TMTC4: variants seen among roughly 807,000 people sequenced by gnomAD.
The protein encoded by TMTC4 is transmembrane O-mannosyltransferase targeting cadherins 4.
Under a neutral mutation model 86.0 loss-of-function variants are expected in TMTC4, and 65 were observed. The ratio of observed to expected loss-of-function variants is 0.76; its 90% CI spans 0.62 to 0.93. The LOEUF (loss-of-function observed/expected upper bound fraction) is 0.93. TMTC4 is among the 40% of genes least tolerant of loss of function. The pLI, the probability that TMTC4 is intolerant of heterozygous loss-of-function variation, is 0.00. For synonymous variants in TMTC4, 379 were observed against 382.5 expected, an observed-to-expected ratio of 0.99 and a Z score of 0.11; for missense variants, 866 against 948.1, an observed-to-expected ratio of 0.91 and a Z score of 1.14.
At chr13:100,650,182 A>G (rs17475653) in intron 6 of TMTC4, among the ~76,000 whole-genome samples, 14,530 of 152,306 alleles carry the variant, frequency 0.095, 689 homozygotes, top group Non-Finnish European at 0.11. Flanking sequence ...GCAAACATCA[A>G]TAGTTTACGA....
rs547102588 is a variant in TMTC4 at position 100,625,319 on chromosome 13, TCTTAAA to T, written c.1836+210_1836+215del. On this transcript the variant is annotated intron_variant, in intron 15 of 18. Coordinates refer to ENST00000342624, the MANE Select transcript of TMTC4 (RefSeq NM_032813.5). ...GGTTTAACCTTTTGCGTGGGTGACC[TCTTAAA>T]CTTGACTAATTCACACTGTACTGCT... The T allele has an allele frequency of 8.1e-4, 501 of 620,752 alleles. 3 individuals are homozygous for T. The African/African-American group carries it at 8.4e-3, about 10-fold the overall frequency. The allele number at this position is 620,752 out of a possible 1,614,324, so 38.5% of individuals were successfully genotyped here. A position where few individuals can be genotyped will look rare whatever the true frequency, so the allele number is the denominator to read the frequency against.
rs35563246 is a variant in TMTC4, at chr13:100,656,542, C to CTTTTTTTTTTTTTTTTTTTTT, written c.553-75_553-74insAAAAAAAAAAAAAAAAAAAAA. 469 of 385,848 alleles carry CTTTTTTTTTTTTTTTTTTTTT rather than the reference C, an allele frequency of 1.2e-3. 72 individuals carry two copies. The highest frequency in any genetic ancestry group is 4.0e-3 in the Admixed American group (59 of 14,818). 23.9% of individuals were successfully genotyped at this position (385,848 alleles called of 1,614,324 possible). A position where few individuals can be genotyped will look rare whatever the true frequency, so the allele number is the denominator to read the frequency against. On this transcript the variant is annotated intron_variant, in intron 5 of 18. Coordinates refer to ENST00000342624, the MANE Select transcript of TMTC4 (RefSeq NM_032813.5). ...GAAATCCTAAACTTAGGAGACATAA[C>CTTTTTTTTTTTTTTTTTTTTT]TTTTTTTTTTTTTTTTTTGCGACAG...
chr13:100,664,071 C>T lies in TMTC4; in HGVS notation c.335+150G>A, dbSNP rs993060045. 1.3e-5 allele frequency: 7 copies of T among 523,796 alleles called. No homozygotes were observed. The East Asian group carries it at 2.0e-4, about 15-fold the overall frequency. The allele number at this position is 523,796 out of a possible 1,614,324, so 32.4% of individuals were successfully genotyped here. ...GGGGCCACGCTGGCCTTCTCTGCAC[C>T]TAGAGACCCATGTATATGAGCAGCT... On this transcript the variant is annotated intron_variant, in intron 4 of 18. Transcript: ENST00000342624.
intron 15 of TMTC4, among the ~76,000 whole-genome samples, chr13:100,620,304 C>A (rs564558370): frequency 2.0e-4 from 30 of 152,322 alleles, no homozygotes; most frequent in African/African-American, 6.7e-4. Context: ...CTCACTCTCT[C>A]CTTCCTTCCC....
chr13:100,652,270 G>C (rs1220320189), intron 6 of TMTC4, among the ~76,000 whole-genome samples: 2 of 152,220 alleles, frequency 1.3e-5, no homozygotes, highest in Non-Finnish European at 2.9e-5. Flanking sequence ...CTTGAGGTCA[G>C]GAGTTCAAGA....
intron 6 of TMTC4, among the ~76,000 whole-genome samples, chr13:100,651,413 G>T (rs1884420152): frequency 7.4e-6 from 1 of 134,898 alleles, no homozygotes; most frequent in East Asian, 2.2e-4. Flanking sequence ...TTTTTTTAAA[G>T]AAAATGTATG....
chr13:100,625,750 T>C lies in TMTC4; in HGVS notation c.1694+35A>G, dbSNP rs370414444. The C allele has an allele frequency of 4.6e-5, 74 of 1,609,924 alleles. No individual in the cohort carries two copies. In the African/African-American group the frequency reaches 8.6e-4, roughly 19 times the overall value. ...ATGCCGGAATGCAGGAGCTCCTTTC[T>C]TTGTCACTAGCATAATTATAAAAAC... On this transcript the variant is annotated intron_variant, in intron 14 of 18. Coordinates refer to ENST00000342624, the MANE Select transcript of TMTC4 (RefSeq NM_032813.5).
At chr13:100,664,494 C>T (rs1462924894) in intron 3 of TMTC4, among the ~76,000 whole-genome samples, 158 bp from the exon 4 acceptor site, 1 of 152,132 alleles carries the variant, frequency 6.6e-6, no homozygotes, top group African/African-American at 2.4e-5. Flanking sequence ...CATGGGCTCA[C>T]CCCACCAGGC....
chr13:100,660,284 T>A (rs140009169), intron 5 of TMTC4, among the ~76,000 whole-genome samples: 5 of 149,538 alleles, frequency 3.3e-5, no homozygotes, highest in Non-Finnish European at 7.4e-5. Flanking sequence ...TGAGCCAAGA[T>A]TGTGCCACCG....
intron 6 of TMTC4, among the ~76,000 whole-genome samples, chr13:100,642,551 A>AT (rs1463829659): frequency 4.6e-5 from 7 of 152,138 alleles, no homozygotes; most frequent in African/African-American, 1.7e-4. Flanking sequence ...AGGCACTGTC[A>AT]TGAAGCCCTG....
chr13:100,622,777 T>A (rs3934383), intron 15 of TMTC4, among the ~76,000 whole-genome samples: 1,978 of 152,224 alleles, frequency 0.013, 82 homozygotes, highest in Admixed American at 0.089. Flanking sequence ...TCTTTTTTTT[T>A]AAATTTATTA....
chr13:100,641,511 T>C (rs972785234), intron 7 of TMTC4, among the ~76,000 whole-genome samples: 1 of 151,926 alleles, frequency 6.6e-6, no homozygotes, highest in Non-Finnish European at 1.5e-5. Flanking sequence ...TTTTGAGATG[T>C]AGTTTTGCTG....
intron 15 of TMTC4, among the ~76,000 whole-genome samples, chr13:100,622,402 C>T (rs1467368415): frequency 6.6e-6 from 1 of 151,994 alleles, no homozygotes; most frequent in Non-Finnish European, 1.5e-5. Context: ...TGGCTGTGTC[C>T]CCACCCAAAT....
rs188279725 is a variant in TMTC4 at position 100,668,076 on chromosome 13, C to T, written c.219+503G>A. Reference sequence around the variant, plus strand: ...CAGCGCCCATGGGCAGCACATTCCTCCTGCCCCAGCAGCTGTCAGCAGGCT... The same window carrying T: ...CAGCGCCCATGGGCAGCACATTCCTTCTGCCCCAGCAGCTGTCAGCAGGCT... On this transcript the variant is annotated intron_variant, in intron 3 of 18. Coordinates refer to ENST00000342624, the MANE Select transcript of TMTC4 (RefSeq NM_032813.5). Among the ~76,000 whole-genome samples the T allele has an allele frequency of 3.4e-4, 52 of 152,312 alleles. 1 individual carries two copies. The highest frequency in any genetic ancestry group is 3.4e-3 in the Middle Eastern group (1 of 294).
intron 6 of TMTC4, among the ~76,000 whole-genome samples, chr13:100,649,752 ATTC>A (rs1338674619): frequency 6.7e-6 from 1 of 150,312 alleles, no homozygotes; most frequent in Non-Finnish European, 1.5e-5. Flanking sequence ...TCATTAAGAT[ATTC>A]TTCTTCAAAA....
chr13:100,648,425 T>G (rs1625099), intron 6 of TMTC4, among the ~76,000 whole-genome samples: 48,772 of 152,080 alleles, frequency 0.32, 8,177 homozygotes, highest in East Asian at 0.59. Context: ...ATTATTAAAA[T>G]CCATCTCATC....
At chr13:100,664,858 A>G (rs773316903) in intron 3 of TMTC4, among the ~76,000 whole-genome samples, 1 of 152,194 alleles carries the variant, frequency 6.6e-6, no homozygotes, top group Non-Finnish European at 1.5e-5. Flanking sequence ...ACTGGGCTCC[A>G]TGAGGACTGG....
intron 2 of TMTC4, 76 bp downstream of exon 2, chr13:100,670,284 T>C: frequency 6.5e-7 from 1 of 1,547,894 alleles, no homozygotes. Context: ...ATAGGCCACC[T>C]GAAGTCACAG....
chr13:100,621,867 G>A (rs1346808112), intron 15 of TMTC4, among the ~76,000 whole-genome samples: 1 of 152,110 alleles, frequency 6.6e-6, no homozygotes, highest in Non-Finnish European at 1.5e-5. Context: ...GACCTCATGT[G>A]CTCCCATCCT....
Sources: allele counts gnomAD v4.1 joint callset (sites outside exome capture counted in the v4.1 genomes callset), GRCh38; gene constraint gnomAD v4.1.1; transcripts MANE v1.5; gene names NCBI Gene and HGNC (gene_info 2026-07-23, HGNC 2026-07-21).